RSRP1: variants seen among roughly 807,000 people sequenced by gnomAD.
The protein encoded by RSRP1 is arginine/serine-rich protein 1.
RSRP1 carries 37 observed loss-of-function variants against 33.0 expected under a neutral mutation model. That is an observed-to-expected ratio of 1.12 (90% CI 0.86 to 1.48). The LOEUF is 1.48. RSRP1 is among the 40% of genes most tolerant of loss of function. The pLI is 0.00. For synonymous variants in RSRP1, 167 were observed against 158.7 expected (o/e 1.05, Z -0.40); for missense variants, 402 against 385.3 (o/e 1.04, Z -0.36).
intron 1 of RSRP1, among the ~76,000 whole-genome samples, chr1:25,274,128 T>C (rs1480128654): frequency 7.5e-6 from 1 of 132,790 alleles, no homozygotes. Context: ...GAGCACTTAC[T>C]ATGTACCAGG....
chr1:25,336,884 TGC>T, intron 1 of RSRP1, among the ~76,000 whole-genome samples: 2 of 151,968 alleles, frequency 1.3e-5, no homozygotes, highest in East Asian at 3.9e-4. Context: ...AATCGGCTAA[TGC>T]ACCGCCAAAA....
Position 25,306,248 on chromosome 1 carries a change from C to T in RSRP1, c.-67+31730G>A, listed in dbSNP as rs1416615818. Among the ~76,000 whole-genome samples the T allele has an allele frequency of 5.3e-5, 7 of 131,696 alleles. 1 individual carries two copies. The highest frequency in any genetic ancestry group is 1.8e-4 in the African/African-American group (7 of 38,164). 86.4% of individuals were successfully genotyped at this position (131,696 alleles called of 152,430 possible). ...GGATGCTGCTTAACATCCTACAGTA[C>T]ACAGGGCAGCCCCCACCACAAGGAA... is the stretch of plus-strand genomic sequence containing the variant. On this transcript the variant is annotated intron_variant, in intron 1 of 1. Transcript: ENST00000561867.
Position 25,305,583 on chromosome 1 carries a change from TTTGTTGTTGTTG to T in RSRP1, c.-67+32383_-67+32394del, listed in dbSNP as rs200713124. 3.5e-4 allele frequency among the ~76,000 whole-genome samples: 42 copies of T among 118,922 alleles called. 6 individuals are homozygous for T. In the South Asian group the frequency reaches 4.4e-3, roughly 12 times the overall value. The allele number at this position is 118,922 out of a possible 152,430, so 78.0% of individuals were successfully genotyped here. Reference sequence around the variant, plus strand: ...GGCTAATTTTCGTGTGTGTATGTATTTTGTTGTTGTTGTTGTTGTTGTTGTTGTTGTTGTTGA... The same window carrying T: ...GGCTAATTTTCGTGTGTGTATGTATTTTGTTGTTGTTGTTGTTGTTGTTGA... On this transcript the variant is annotated intron_variant, in intron 1 of 1. Coordinates refer to the RSRP1 transcript ENST00000561867.
intron 1 of RSRP1, among the ~76,000 whole-genome samples, chr1:25,321,202 C>A (rs141866055): frequency 2.3e-5 from 3 of 129,558 alleles, no homozygotes; most frequent in Non-Finnish European, 5.5e-5. Flanking sequence ...CCTATAGGAG[C>A]ACCCAATTGG....
upstream of RSRP1, among the ~76,000 whole-genome samples, chr1:25,249,861 G>A (rs564522839): frequency 3.3e-5 from 5 of 152,222 alleles, no homozygotes; most frequent in South Asian, 4.1e-4. Flanking sequence ...ATCTAGCACC[G>A]AATTTGTAGG....
chr1:25,285,412 A>G lies in RSRP1; in HGVS notation c.-66-38383T>C, dbSNP rs186814057. Reference sequence around the variant, plus strand: ...GCCTCCCAAAGTGCTGGGATTACAGACATGAGCCACCGCGTCCAGCCTGAG... The same window carrying G: ...GCCTCCCAAAGTGCTGGGATTACAGGCATGAGCCACCGCGTCCAGCCTGAG... On this transcript the variant is annotated intron_variant, in intron 1 of 1. Coordinates refer to the RSRP1 transcript ENST00000561867. 5.3e-3 allele frequency among the ~76,000 whole-genome samples: 721 copies of G among 134,878 alleles called. 95 individuals carry two copies. The highest frequency in any genetic ancestry group is 0.016 in the African/African-American group (606 of 39,096). 88.5% of individuals were successfully genotyped at this position (134,878 alleles called of 152,430 possible).
intron 1 of RSRP1, among the ~76,000 whole-genome samples, chr1:25,314,784 G>A (rs74761733): frequency 7.5e-6 from 1 of 132,482 alleles, no homozygotes; most frequent in South Asian, 2.3e-4. Context: ...GATTACAGGT[G>A]TGAGCCACCA....
chr1:25,242,622 T>C lies in RSRP1; in HGVS notation c.840A>G (p.Lys280=), dbSNP rs1351118113. The C allele has an allele frequency of 1.9e-6, 3 of 1,612,794 alleles. 1 individual carries two copies. The South Asian group carries it at 3.3e-5, about 18-fold the overall frequency. ...GTATCCACAGTCCATATGGACTTTTTTTCTGATCTATTTTTGGTGATCTTG... is the reference window on the plus strand; with the variant it reads ...GTATCCACAGTCCATATGGACTTTTCTTCTGATCTATTTTTGGTGATCTTG... The part of the protein sequence containing the change: ...ASSRSPKIDQ[K]KSPYGLWIPI Residue 280 remains lysine, a synonymous_variant, in exon 5 of 5, where the codon AAA becomes AAG. Transcript: ENST00000243189.
rs1465891843 is a variant in RSRP1, at chr1:25,316,649, A to G, written c.-67+21329T>C. ...AAAAAAAAAAAAAGAGAGAGAGAGA[A>G]AACTGGAGGCTCTGAGAGGTTGAGG... is the stretch of plus-strand genomic sequence containing the variant. On this transcript the variant is annotated intron_variant, in intron 1 of 1. Coordinates refer to the RSRP1 transcript ENST00000561867. Among the ~76,000 whole-genome samples, 2 of 124,056 alleles carry G rather than the reference A, an allele frequency of 1.6e-5. 1 individual carries two copies. Among genetic ancestry groups the G allele is most frequent in the Non-Finnish European group, 3.8e-5 (2 of 52,318 alleles). The allele number at this position is 124,056 out of a possible 152,430, so 81.4% of individuals were successfully genotyped here.
At chr1:25,314,923 C>T (rs1284120164) in intron 1 of RSRP1, among the ~76,000 whole-genome samples, 1 of 130,880 alleles carries the variant, frequency 7.6e-6, no homozygotes, top group African/African-American at 2.6e-5. Flanking sequence ...AGAATTTTTG[C>T]AGCCAGCGCG....
In RSRP1 at chr1:25,268,410, T is replaced by A. The variant is rs540131547; in HGVS notation, c.-66-21381A>T. On this transcript the variant is annotated intron_variant, in intron 1 of 1. Coordinates refer to the RSRP1 transcript ENST00000561867. ...GGCTCATGCCTGTAGTCCCAGCTAC[T>A]TGGGAGGCTGAGGAAGGAGAATCGC... 1.5e-4 allele frequency among the ~76,000 whole-genome samples: 20 copies of A among 130,838 alleles called. 3 individuals carry two copies. The South Asian group carries it at 4.7e-3, about 31-fold the overall frequency. The allele number at this position is 130,838 out of a possible 152,430, so 85.8% of individuals were successfully genotyped here. A position where few individuals can be genotyped will look rare whatever the true frequency, so the allele number is the denominator to read the frequency against.
At chr1:25,322,166 A>C (rs575438328) in intron 1 of RSRP1, among the ~76,000 whole-genome samples, 1 of 131,262 alleles carries the variant, frequency 7.6e-6, no homozygotes, top group African/African-American at 2.6e-5. Context: ...AAAGGTCACC[A>C]TTTCCCTGAT....
rs1326912677 is a variant in RSRP1, at chr1:25,287,229, G to A, written c.-66-40200C>T. ...GGCACCCTGGGGGATTTCAAATGGTGGTGGCCCTGGTTTGGTGTTGCTGCC... is the reference window on the plus strand; with the variant it reads ...GGCACCCTGGGGGATTTCAAATGGTAGTGGCCCTGGTTTGGTGTTGCTGCC... On this transcript the variant is annotated intron_variant, in intron 1 of 1. Coordinates refer to the RSRP1 transcript ENST00000561867. 2.2e-5 allele frequency among the ~76,000 whole-genome samples: 3 copies of A among 135,514 alleles called. 1 individual carries two copies. Among genetic ancestry groups the A allele is most frequent in the Non-Finnish European group, 5.3e-5 (3 of 57,054 alleles). 88.9% of individuals were successfully genotyped at this position (135,514 alleles called of 152,430 possible). A position where few individuals can be genotyped will look rare whatever the true frequency, so the allele number is the denominator to read the frequency against.
chr1:25,310,913 C>T (rs1644106986), intron 1 of RSRP1, among the ~76,000 whole-genome samples: 1 of 126,182 alleles, frequency 7.9e-6, no homozygotes, highest in Admixed American at 7.7e-5. Flanking sequence ...GCAGAGGTTG[C>T]AGTGAGCTGA....
intron 1 of RSRP1, among the ~76,000 whole-genome samples, chr1:25,323,850 C>T (rs1207887461): frequency 3.3e-5 from 4 of 122,908 alleles, no homozygotes; most frequent in Admixed American, 7.9e-5. Context: ...GAGAATCATC[C>T]GTGTTGTTGC....
At position 25,290,246 on chromosome 1, in the gene RSRP1, C is replaced by G. The variant is rs560618923; in HGVS notation, c.-66-43217G>C. 2.4e-4 allele frequency among the ~76,000 whole-genome samples: 30 copies of G among 127,292 alleles called. 6 individuals carry two copies. The highest frequency in any genetic ancestry group is 1.5e-4 in the Non-Finnish European group (8 of 54,230). 83.5% of individuals were successfully genotyped at this position (127,292 alleles called of 152,430 possible). On this transcript the variant is annotated intron_variant, in intron 1 of 1. Transcript: ENST00000561867. ...CAGGCCTGCGGGGGAAGAGTGCCCT[C>G]TGTTGAGCATCCGAATGATGGCAGC...
At position 25,301,018 on chromosome 1, in the gene RSRP1, C is replaced by T; in HGVS notation, c.-67+36960G>A. The T allele has an allele frequency of 4.4e-6, 6 of 1,377,072 alleles. 2 individuals carry two copies. Among genetic ancestry groups the T allele is most frequent in the Non-Finnish European group, 6.1e-6 (6 of 978,798 alleles). The allele number at this position is 1,377,072 out of a possible 1,614,324, so 85.3% of individuals were successfully genotyped here. A position where few individuals can be genotyped will look rare whatever the true frequency, so the allele number is the denominator to read the frequency against. On this transcript the variant is annotated intron_variant, in intron 1 of 1. Transcript: ENST00000561867. ...TTTTGGGCTGTCTGTGGCCTGGTGC[C>T]TGCCAAAGCCTCTACCCGAGGGAAC...
intron 1 of RSRP1, among the ~76,000 whole-genome samples, chr1:25,303,620 C>T (rs183178624): frequency 4.6e-5 from 6 of 130,404 alleles, no homozygotes; most frequent in African/African-American, 1.6e-4. Context: ...GGCTCGGTGG[C>T]GCATTTGTTA....
At chr1:25,275,672 A>G (rs1214298579) in intron 1 of RSRP1, among the ~76,000 whole-genome samples, 4 of 133,622 alleles carry the variant, frequency 3.0e-5, no homozygotes, top group African/African-American at 5.1e-5. Flanking sequence ...AAAGAGATCA[A>G]AATGAAATAT....
Sources: allele counts gnomAD v4.1 joint callset (sites outside exome capture counted in the v4.1 genomes callset), GRCh38; gene constraint gnomAD v4.1.1; transcripts MANE v1.5; gene names NCBI Gene and HGNC (gene_info 2026-07-23, HGNC 2026-07-21).